The following HOOK3 variants were observed in gnomAD, a reference collection of about 807,000 sequenced individuals.
HOOK3 encodes the protein protein Hook homolog 3.
Under a neutral mutation model 116.3 loss-of-function variants are expected in HOOK3, and 24 were observed. The ratio of observed to expected loss-of-function variants is 0.21; its 90% CI spans 0.15 to 0.29. HOOK3 has a LOEUF of 0.29. Ranked by LOEUF, HOOK3 falls within the 10% of genes least tolerant of loss-of-function variation. HOOK3 has a pLI of 1.00. For synonymous variants in HOOK3, 275 were observed against 283.0 expected (o/e 0.97, Z 0.28); for missense variants, 632 against 830.2 (o/e 0.76, Z 2.93).
chr8:42,924,114 CATT>C (rs1807715457), intron 2 of HOOK3, among the ~76,000 whole-genome samples: 1 of 151,588 alleles, frequency 6.6e-6, no homozygotes, highest in Non-Finnish European at 1.5e-5. Context: ...CTTTCAGTCT[CATT>C]GTCATTCTGT....
At position 42,906,173 on chromosome 8, in the gene HOOK3, A is replaced by T. The variant is rs779934377; in HGVS notation, c.58A>T (p.Ile20Phe). 1 of 747,628 alleles carries T rather than the reference A, an allele frequency of 1.3e-6. No homozygotes were observed. The highest frequency in any genetic ancestry group is 1.4e-5 in the South Asian group (1 of 74,000). 46.3% of individuals were successfully genotyped at this position (747,628 alleles called of 1,614,324 possible). A position where few individuals can be genotyped will look rare whatever the true frequency, so the allele number is the denominator to read the frequency against. ...AELCESLLTW[I>F]QTFNVDAPCQ... ...CCCCCCCCTCTTTTTTTCCCTTCAG[A>T]TCCAGACATTTAATGTGGATGCACC... Residue 20 changes from isoleucine (I) to phenylalanine (F), a missense_variant and splice_region_variant, in exon 2 of 22, where the codon ATC becomes TTC. Coordinates refer to ENST00000307602, the MANE Select transcript of HOOK3 (RefSeq NM_032410.4).
chr8:42,974,983 A>G (rs1808793008), intron 13 of HOOK3, among the ~76,000 whole-genome samples: 1 of 152,158 alleles, frequency 6.6e-6, no homozygotes, highest in Non-Finnish European at 1.5e-5. Flanking sequence ...TGGCCAAGAA[A>G]GGCCTCCTAG....
At chr8:42,939,028 TG>T (rs1808035041) in intron 4 of HOOK3, among the ~76,000 whole-genome samples, 1 of 152,238 alleles carries the variant, frequency 6.6e-6, no homozygotes, top group South Asian at 2.1e-4. Flanking sequence ...AGCACAGGGT[TG>T]GGGGTAAGGT....
chr8:42,910,261 T>G (rs1217066646), intron 2 of HOOK3, among the ~76,000 whole-genome samples: 1 of 152,226 alleles, frequency 6.6e-6, no homozygotes, highest in Non-Finnish European at 1.5e-5. Context: ...ATACATTGTG[T>G]TTTGCAAAGT....
intron 3 of HOOK3, among the ~76,000 whole-genome samples, chr8:42,926,504 T>C (rs1256635765): frequency 6.6e-6 from 1 of 152,166 alleles, no homozygotes; most frequent in Admixed American, 6.5e-5. Flanking sequence ...CAGGCTGGTC[T>C]CAAACTCCTG....
Position 43,013,430 on chromosome 8 carries a change from A to G in HOOK3, c.2016+30A>G, listed in dbSNP as rs755767537. The stretch of plus-strand genomic sequence containing the variant: ...GAAAATAGTACTTTGGAGCATAATG[A>G]AAACTTCAATGAATATGTAATACTT... On this transcript the variant is annotated intron_variant, in intron 21 of 21. Coordinates refer to ENST00000307602, the MANE Select transcript of HOOK3 (RefSeq NM_032410.4). 3.3e-6 allele frequency: 5 copies of G among 1,517,946 alleles called. No homozygotes were observed. The East Asian group carries it at 1.1e-4, about 35-fold the overall frequency. 94.0% of individuals were successfully genotyped at this position (1,517,946 alleles called of 1,614,324 possible). A position where few individuals can be genotyped will look rare whatever the true frequency, so the allele number is the denominator to read the frequency against.
intron 5 of HOOK3, among the ~76,000 whole-genome samples, chr8:42,946,708 A>G (rs898502349): frequency 6.7e-6 from 1 of 148,868 alleles, no homozygotes; most frequent in Non-Finnish European, 1.5e-5. Flanking sequence ...TTAAAACAAT[A>G]TATTTCTTTT....
intron 6 of HOOK3, among the ~76,000 whole-genome samples, chr8:42,956,221 G>GGTGTGTGTGTGTGTGTGT (rs1808431367): frequency 8.2e-6 from 1 of 121,418 alleles, no homozygotes; most frequent in Admixed American, 7.9e-5. Context: ...TAAGGATTAG[G>GGTGTGTGTGTGTGTGTGT]GCGTGTGTGT....
chr8:42,897,909 C>G (rs1334213585), intron 1 of HOOK3, among the ~76,000 whole-genome samples: 1 of 152,168 alleles, frequency 6.6e-6, no homozygotes, highest in African/African-American at 2.4e-5. Context: ...GGGTTCCAGT[C>G]GTTCTCGCCG....
intron 4 of HOOK3, among the ~76,000 whole-genome samples, chr8:42,940,149 T>A (rs1018949934): frequency 6.6e-6 from 1 of 152,238 alleles, no homozygotes; most frequent in South Asian, 2.1e-4. Flanking sequence ...AGGTGGAGGC[T>A]GCAGCGAGCT....
In HOOK3 at chr8:43,027,645, A is replaced by G. The variant is rs1563318503; in HGVS notation, c.*9147A>G. On this transcript the variant is annotated 3_prime_UTR_variant, in exon 22 of 22. Transcript: ENST00000307602. The stretch of plus-strand genomic sequence containing the variant: ...CATAAGGACGAAATACAATGTTCTG[A>G]ATATCTTCCACTAATTAATTGTTGA... The G allele has an allele frequency of 4.7e-6, 1 of 212,684 alleles. No individual in the cohort carries two copies. Among genetic ancestry groups the G allele is most frequent in the Non-Finnish European group, 9.6e-6 (1 of 103,868 alleles). 13.2% of individuals were successfully genotyped at this position (212,684 alleles called of 1,614,324 possible).
At chr8:42,906,540 TG>T (rs1454656022) in intron 2 of HOOK3, among the ~76,000 whole-genome samples, 23 of 152,228 alleles carry the variant, frequency 1.5e-4, no homozygotes, top group African/African-American at 4.6e-4. Context: ...CAGATTTTGC[TG>T]TTACAGGGGT....
intron 2 of HOOK3, among the ~76,000 whole-genome samples, chr8:42,915,408 C>T (rs997618657): frequency 7.9e-5 from 12 of 151,960 alleles, no homozygotes; most frequent in South Asian, 2.1e-4. Flanking sequence ...TCAGGGCTAC[C>T]GTGATGTAGA....
intron 15 of HOOK3, among the ~76,000 whole-genome samples, chr8:42,996,703 A>G (rs912801063): frequency 7.2e-5 from 11 of 152,050 alleles, no homozygotes; most frequent in Non-Finnish European, 4.4e-5. Flanking sequence ...CCCTTAACTC[A>G]TAGATGTTTT....
chr8:42,918,269 C>T (rs546648022), intron 2 of HOOK3, among the ~76,000 whole-genome samples: 11 of 152,068 alleles, frequency 7.2e-5, no homozygotes, highest in Non-Finnish European at 1.6e-4. Flanking sequence ...ACCCAGGAGG[C>T]GGAGGTTGCA....
At chr8:42,914,322 A>C (rs1340215186) in intron 2 of HOOK3, among the ~76,000 whole-genome samples, 1 of 152,118 alleles carries the variant, frequency 6.6e-6, no homozygotes, top group East Asian at 1.9e-4. Flanking sequence ...GTTGCCTCTC[A>C]GTTTCTTGAG....
chr8:43,002,075 G>C, intron 16 of HOOK3, 32 bp from the exon 17 acceptor site: 5 of 1,348,092 alleles, frequency 3.7e-6, no homozygotes, highest in Non-Finnish European at 4.2e-6. Flanking sequence ...TAAAATGTGA[G>C]GTAATAAACT....
chr8:42,903,679 G>A (rs1250794492), intron 1 of HOOK3, among the ~76,000 whole-genome samples: 1 of 151,442 alleles, frequency 6.6e-6, no homozygotes, highest in Non-Finnish European at 1.5e-5. Context: ...AATGAGGTCG[G>A]GCGTGGTGGC....
intron 15 of HOOK3, among the ~76,000 whole-genome samples, chr8:42,987,387 TA>T (rs921504480): frequency 1.6e-4 from 24 of 152,286 alleles, no homozygotes; most frequent in African/African-American, 5.3e-4. Context: ...AATCACTAAT[TA>T]AAACTAGAGG....
Sources: allele counts gnomAD v4.1 joint callset (sites outside exome capture counted in the v4.1 genomes callset), GRCh38; gene constraint gnomAD v4.1.1; transcripts MANE v1.5; gene names NCBI Gene and HGNC (gene_info 2026-07-23, HGNC 2026-07-21).